The following EYS variants were observed in gnomAD, a reference collection of about 807,000 sequenced individuals.
The protein encoded by EYS is protein eyes shut homolog.
A neutral mutation model predicts 282.1 loss-of-function variants in EYS; 250 were observed. The observed-to-expected ratio is 0.89, with a 90% CI of 0.80 to 0.98. The LOEUF (loss-of-function observed/expected upper bound fraction) is 0.98. EYS is among the 50% of genes least tolerant of loss of function. The pLI is 0.00. For missense variants in EYS, 4,016 were observed against 3,709.0 expected, an observed-to-expected ratio of 1.08 and a Z score of -2.15; for synonymous variants, 1,355 against 1,282.9, an observed-to-expected ratio of 1.06 and a Z score of -1.20.
At chr6:63,994,902 CTT>C (rs565012761) in intron 34 of EYS, among the ~76,000 whole-genome samples, 12 of 151,854 alleles carry the variant, frequency 7.9e-5, no homozygotes, top group Admixed American at 6.6e-4. Context: ...AAGACTTAAA[CTT>C]AACACCCAAA....
intron 15 of EYS, among the ~76,000 whole-genome samples, chr6:64,923,346 T>C (rs1420272846): frequency 6.6e-6 from 1 of 152,144 alleles, no homozygotes; most frequent in Non-Finnish European, 1.5e-5. Context: ...AGGAAAGACC[T>C]GCCTCCATGA....
At chr6:64,391,511 T>C (rs1421905440) in intron 28 of EYS, among the ~76,000 whole-genome samples, 3 of 151,882 alleles carry the variant, frequency 2.0e-5, no homozygotes, top group African/African-American at 7.3e-5. Context: ...CAGAATTTCA[T>C]ATCCAGCCAA....
intron 10 of EYS, among the ~76,000 whole-genome samples, chr6:65,338,129 G>A (rs946793841): frequency 4.0e-5 from 6 of 151,108 alleles, no homozygotes; most frequent in African/African-American, 1.5e-4. Flanking sequence ...TGGAAAAGAT[G>A]GTGAATTATT....
intron 14 of EYS, among the ~76,000 whole-genome samples, chr6:64,960,556 T>G (rs1398484150): frequency 2.0e-5 from 3 of 152,228 alleles, no homozygotes; most frequent in Non-Finnish European, 4.4e-5. Context: ...TGATTCAACT[T>G]ATATCTACAA....
chr6:65,054,876 A>T (rs1773369145), intron 13 of EYS, among the ~76,000 whole-genome samples: 1 of 152,084 alleles, frequency 6.6e-6, no homozygotes. Context: ...AGGTTAAAAT[A>T]TTTATGATTA....
intron 5 of EYS, among the ~76,000 whole-genome samples, chr6:65,457,161 TGTG>T (rs1211678367): frequency 2.6e-5 from 4 of 151,938 alleles, no homozygotes; most frequent in Non-Finnish European, 5.9e-5. Flanking sequence ...TTGTTGTTGT[TGTG>T]TTTTATTTAT....
At chr6:64,947,807 A>G (rs1769340167) in intron 14 of EYS, among the ~76,000 whole-genome samples, 1 of 151,690 alleles carries the variant, frequency 6.6e-6, no homozygotes, top group South Asian at 2.1e-4. Context: ...AAATCATCCC[A>G]CTCAGTAGCA....
chr6:64,762,683 GCACA>G (rs150860565), intron 22 of EYS, among the ~76,000 whole-genome samples: 1 of 150,004 alleles, frequency 6.7e-6, no homozygotes, highest in Non-Finnish European at 1.5e-5. Flanking sequence ...ACACACACAT[GCACA>G]CACACACACA....
intron 33 of EYS, among the ~76,000 whole-genome samples, chr6:64,031,445 A>T (rs919075344): frequency 1.3e-5 from 2 of 152,118 alleles, no homozygotes; most frequent in Non-Finnish European, 2.9e-5. Flanking sequence ...AGCCTCCCTG[A>T]TCAGGATCGC....
At chr6:64,834,320 A>C (rs567889035) in intron 19 of EYS, among the ~76,000 whole-genome samples, 2 of 152,028 alleles carry the variant, frequency 1.3e-5, no homozygotes, top group African/African-American at 2.4e-5. Flanking sequence ...AAAGAGGTTA[A>C]AGTTTAAACA....
intron 31 of EYS, among the ~76,000 whole-genome samples, chr6:64,113,292 T>C (rs1019693290): frequency 3.9e-5 from 6 of 152,176 alleles, no homozygotes. Context: ...TGCAGTACTA[T>C]AACATAGGCT....
chr6:65,181,218 A>C (rs1310796689), intron 12 of EYS, among the ~76,000 whole-genome samples: 1 of 152,166 alleles, frequency 6.6e-6, no homozygotes, highest in Non-Finnish European at 1.5e-5. Context: ...GGATCTAATT[A>C]AACTAAGGAG....
At chr6:64,020,415 C>T (rs1027074029) in intron 33 of EYS, among the ~76,000 whole-genome samples, 1 of 152,018 alleles carries the variant, frequency 6.6e-6, no homozygotes, top group African/African-American at 2.4e-5. Context: ...TAAACATACA[C>T]ATTTGTTTAC....
At chr6:65,638,257 C>A (rs1442347327) in intron 2 of EYS, among the ~76,000 whole-genome samples, 4 of 152,148 alleles carry the variant, frequency 2.6e-5, no homozygotes, top group African/African-American at 9.7e-5. Context: ...CTCCTCTGAG[C>A]TGTTCTGTTG....
intron 22 of EYS, among the ~76,000 whole-genome samples, chr6:64,651,627 T>C (rs1277714477): frequency 1.3e-5 from 2 of 152,064 alleles, no homozygotes; most frequent in African/African-American, 2.4e-5. Context: ...AGGTTGCCAT[T>C]AGCCGAGACC....
intron 26 of EYS, among the ~76,000 whole-genome samples, chr6:64,439,690 C>A (rs892450708): frequency 5.3e-5 from 8 of 151,808 alleles, no homozygotes; most frequent in African/African-American, 1.9e-4. Flanking sequence ...GATATTGATA[C>A]AAATTATGAT....
intron 30 of EYS, among the ~76,000 whole-genome samples, chr6:64,272,176 A>C (rs969982910): frequency 2.3e-4 from 35 of 152,214 alleles, no homozygotes; most frequent in African/African-American, 8.2e-4. Flanking sequence ...GTGTCTTTGC[A>C]CATGAGGTGG....
At chr6:65,021,731 T>C (rs773408368) in intron 13 of EYS, among the ~76,000 whole-genome samples, 2 of 152,162 alleles carry the variant, frequency 1.3e-5, no homozygotes, top group Non-Finnish European at 2.9e-5. Context: ...AAAGACATAA[T>C]TGAGACTGGG....
At chr6:63,916,386 C>T (rs1273944624) in intron 35 of EYS, among the ~76,000 whole-genome samples, 1 of 152,170 alleles carries the variant, frequency 6.6e-6, no homozygotes, top group African/African-American at 2.4e-5. Context: ...CTGTTATTGT[C>T]TATAATTTTG....
Sources: gnomAD v4.1 joint callset for allele counts (sites outside exome capture counted in the v4.1 genomes callset) on GRCh38, gnomAD v4.1.1 for gene constraint, MANE v1.5 for transcripts, NCBI Gene and HGNC (gene_info 2026-07-23, HGNC 2026-07-21) for gene names.